The following STK38L variants were observed in gnomAD, a reference collection of about 807,000 sequenced individuals.
STK38L encodes serine/threonine kinase 38 like.
STK38L carries 28 observed loss-of-function variants against 59.7 expected under a neutral mutation model. The ratio of observed to expected loss-of-function variants is 0.47; its 90% CI spans 0.35 to 0.64. The LOEUF is 0.64. Ranked by LOEUF, STK38L falls within the 30% of genes least tolerant of loss-of-function variation. The probability of loss-of-function intolerance (pLI) is 0.01; values close to 1 mark genes in which losing one functional copy is unlikely to be tolerated. For missense variants in STK38L, 314 were observed against 555.8 expected (o/e 0.56, Z 4.37); for synonymous variants, 162 against 176.8 (o/e 0.92, Z 0.66).
At chr12:27,255,674 C>A (rs939305623) in intron 1 of STK38L, among the ~76,000 whole-genome samples, 14 of 152,172 alleles carry the variant, frequency 9.2e-5, no homozygotes, top group African/African-American at 3.4e-4. Context: ...AGCTAACTTT[C>A]ATTCCCTTAA....
At chr12:27,285,184 G>A (rs1261272594) in intron 1 of STK38L, among the ~76,000 whole-genome samples, 3 of 152,252 alleles carry the variant, frequency 2.0e-5, no homozygotes, top group African/African-American at 7.2e-5. Context: ...ACATTAGTCT[G>A]ATTTCTTTCA....
In STK38L at chr12:27,308,895, TATAA is replaced by T. The variant is rs969622561; in HGVS notation, c.310-215_310-212del. ...ATATAAATATATATAAATGTAAATA[TATAA>T]ATATATATAAATATATATTAATATA... On this transcript the variant is annotated intron_variant, in intron 4 of 13. Coordinates refer to ENST00000389032, the MANE Select transcript of STK38L (RefSeq NM_015000.4). This position sits in a 1 kb window ranked among gnomAD's most constrained non-coding sequence, Gnocchi z 4.5. Among the ~76,000 whole-genome samples the T allele has an allele frequency of 4.9e-4, 72 of 145,630 alleles. 1 individual carries two copies. The highest frequency in any genetic ancestry group is 4.4e-3 in the Admixed American group (64 of 14,472).
intron 1 of STK38L, among the ~76,000 whole-genome samples, chr12:27,264,051 T>C (rs992465868): frequency 6.6e-6 from 1 of 152,186 alleles, no homozygotes; most frequent in Non-Finnish European, 1.5e-5. Context: ...GTCTTCTCGT[T>C]GATGAGGGAG....
intron 1 of STK38L, among the ~76,000 whole-genome samples, chr12:27,247,902 C>T (rs1423916542): frequency 1.3e-5 from 2 of 151,224 alleles, no homozygotes; most frequent in African/African-American, 4.9e-5. Flanking sequence ...GCAACCTCTG[C>T]CTCTCAGGCT....
chr12:27,246,696 AT>A (rs1431002353), intron 1 of STK38L, among the ~76,000 whole-genome samples: 1 of 152,140 alleles, frequency 6.6e-6, no homozygotes, highest in Non-Finnish European at 1.5e-5. Context: ...TCCCCCCAAA[AT>A]TTTTGTTTAA....
intron 10 of STK38L, 66 bp from the exon 11 acceptor site, chr12:27,317,830 T>G: frequency 6.3e-7 from 1 of 1,591,960 alleles, no homozygotes; most frequent in Non-Finnish European, 8.5e-7. Flanking sequence ...GTCGCACATG[T>G]TTGGTGGGTA....
intron 1 of STK38L, among the ~76,000 whole-genome samples, chr12:27,271,759 G>T (rs1943428049): frequency 1.3e-5 from 2 of 152,134 alleles, no homozygotes; most frequent in African/African-American, 4.8e-5. Context: ...GAGTGCAGTG[G>T]CACGATCTCG....
chr12:27,312,708 C>G, intron 6 of STK38L, 36 bp downstream of exon 6: 1 of 1,603,864 alleles, frequency 6.2e-7, no homozygotes, highest in Non-Finnish European at 8.5e-7. Flanking sequence ...CAGACTGATA[C>G]AAGCACATCT....
intron 6 of STK38L, 83 bp from the exon 7 acceptor site, chr12:27,314,421 T>TA (rs1192391557): frequency 4.0e-6 from 4 of 991,046 alleles, no homozygotes; most frequent in Non-Finnish European, 5.3e-6. Flanking sequence ...AAAAAAAAAG[T>TA]AAAAAAAGCA....
intron 1 of STK38L, among the ~76,000 whole-genome samples, chr12:27,282,065 A>C (rs10842896): frequency 0.38 from 58,391 of 152,008 alleles, 11,439 homozygotes; most frequent in Admixed American, 0.46. Flanking sequence ...ACTGACATTA[A>C]TTTTTAAAAA....
At position 27,257,236 on chromosome 12, in the gene STK38L, C is replaced by A. The variant is rs571181743; in HGVS notation, c.-12+12904C>A. Among the ~76,000 whole-genome samples the A allele has an allele frequency of 6.6e-5, 10 of 152,280 alleles. No individual in the cohort carries two copies. The South Asian group carries it at 2.1e-3, about 32-fold the overall frequency. On this transcript the variant is annotated intron_variant, in intron 1 of 13. Coordinates refer to ENST00000389032, the MANE Select transcript of STK38L (RefSeq NM_015000.4). ...TACAGGGGAAGCCAGCCCATGTAAT[C>A]AAATGGGTAATCTTAATGGGGAGTG...
chr12:27,316,575 G>T (rs1314360677), intron 9 of STK38L, among the ~76,000 whole-genome samples: 3 of 152,154 alleles, frequency 2.0e-5, no homozygotes, highest in African/African-American at 7.2e-5. Flanking sequence ...GTAAATGCCA[G>T]TTATGTCACT....
chr12:27,322,167 A>AG lies in STK38L; in HGVS notation c.1201dup (p.Glu401GlyfsTer6). 6.2e-7 allele frequency: 1 copy of AG among 1,613,904 alleles called. No homozygotes were observed. Among genetic ancestry groups the AG allele is most frequent in the Non-Finnish European group, 8.5e-7 (1 of 1,179,932 alleles). ...GGGAAAGGCCAGCAGCAATCCCTATAGAAATCAAAAGCATTGATGATACTT... is the reference window on the plus strand; with the variant it reads ...GGGAAAGGCCAGCAGCAATCCCTATAGGAAATCAAAAGCATTGATGATACTT... On this transcript the variant is annotated frameshift_variant, in exon 13 of 14. Coordinates refer to ENST00000389032, the MANE Select transcript of STK38L (RefSeq NM_015000.4). LOFTEE classifies it high-confidence loss of function.
intron 1 of STK38L, among the ~76,000 whole-genome samples, chr12:27,265,073 A>T (rs1041646266): frequency 2.0e-5 from 3 of 152,202 alleles, no homozygotes; most frequent in Non-Finnish European, 4.4e-5. Flanking sequence ...ATGTTGACTG[A>T]AATTACTTTA....
Position 27,323,737 on chromosome 12 carries a change from A to G in STK38L, c.*1282A>G, listed in dbSNP as rs1474433723. 3 of 152,558 alleles carry G rather than the reference A, an allele frequency of 2.0e-5. No homozygotes were observed. The highest frequency in any genetic ancestry group is 7.2e-5 in the African/African-American group (3 of 41,452). The allele number at this position is 152,558 out of a possible 1,614,324, so 9.5% of individuals were successfully genotyped here. On this transcript the variant is annotated 3_prime_UTR_variant, in exon 14 of 14. Coordinates refer to ENST00000389032, the MANE Select transcript of STK38L (RefSeq NM_015000.4). ...AGTAAATGCAGGCCAGGGGGTTGTG[A>G]TGAGAGGATAGGGGAGATAATATCA...
chr12:27,253,444 C>CTCCTT (rs3080859), intron 1 of STK38L, among the ~76,000 whole-genome samples: 140,853 of 151,892 alleles, frequency 0.93, 65,447 homozygotes, highest in East Asian at 1. Context: ...GGATGGGTCT[C>CTCCTT]TCTAGTGAAA....
chr12:27,262,409 A>G (rs1417743343), intron 1 of STK38L, among the ~76,000 whole-genome samples: 3 of 152,214 alleles, frequency 2.0e-5, no homozygotes, highest in Admixed American at 1.3e-4. Context: ...TCAAATCAAA[A>G]TACCTATTGA....
chr12:27,256,653 G>A (rs1343107857), intron 1 of STK38L, among the ~76,000 whole-genome samples: 1 of 152,190 alleles, frequency 6.6e-6, no homozygotes, highest in African/African-American at 2.4e-5. Flanking sequence ...AACTTAATGA[G>A]CATTTGCTAT....
At chr12:27,303,043 C>T (rs1425943714) in intron 3 of STK38L, among the ~76,000 whole-genome samples, 1 of 149,980 alleles carries the variant, frequency 6.7e-6, no homozygotes, top group African/African-American at 2.5e-5. Flanking sequence ...AATTGGTATA[C>T]CTTCACTACT....
Sources: gnomAD v4.1 joint callset for allele counts (sites outside exome capture counted in the v4.1 genomes callset) on GRCh38, gnomAD v4.1.1 for gene constraint, Gnocchi (gnomAD v3.1) non-coding constraint, MANE v1.5 for transcripts, NCBI Gene and HGNC (gene_info 2026-07-23, HGNC 2026-07-21) for gene names.